The following ZCRB1 variants were observed in gnomAD, a reference collection of about 807,000 sequenced individuals.
The protein encoded by ZCRB1 is zinc finger CCHC-type and RNA-binding motif-containing protein 1.
ZCRB1 carries 21 observed loss-of-function variants against 29.9 expected under a neutral mutation model. That is an observed-to-expected ratio of 0.70 (90% CI 0.50 to 1.01). The LOEUF (loss-of-function observed/expected upper bound fraction) is 1.01, where lower values mean the gene tolerates loss of function less well. ZCRB1 is among the 50% of genes least tolerant of loss of function. The probability of loss-of-function intolerance (pLI) is 0.00; values close to 1 mark genes in which losing one functional copy is unlikely to be tolerated. For synonymous variants in ZCRB1, 77 were observed against 80.0 expected (o/e 0.96, Z 0.20); for missense variants, 204 against 253.3 (o/e 0.81, Z 1.32).
At chr12:42,323,905 A>G in intron 2 of ZCRB1, 114 bp downstream of exon 2, 1 of 962,048 alleles carries the variant, frequency 1.0e-6, no homozygotes, top group Admixed American at 2.1e-5. Context: ...TGACAGAATT[A>G]GACTGTCTCA....
chr12:42,318,502 T>C (rs2068605801), intron 3 of ZCRB1, among the ~76,000 whole-genome samples: 1 of 152,150 alleles, frequency 6.6e-6, no homozygotes, highest in African/African-American at 2.4e-5. Context: ...TTTTTAGCCA[T>C]ACCACCCACC....
rs141453133 is a variant in ZCRB1 at position 42,323,477 on chromosome 12, G to A, written c.84+542C>T. On this transcript the variant is annotated intron_variant, in intron 2 of 7. Transcript: ENST00000266529. The stretch of plus-strand genomic sequence containing the variant: ...CTTCTCAATAATGGCATTTCTGACC[G>A]CCCTATGTAAAATTTCACTTCCATT... Among the ~76,000 whole-genome samples, 1,401 of 152,054 alleles carry A rather than the reference G, an allele frequency of 9.2e-3. 14 individuals are homozygous for A. The highest frequency in any genetic ancestry group is 0.012 in the Non-Finnish European group (800 of 67,958).
chr12:42,320,869 T>C (rs2068617919), intron 3 of ZCRB1, among the ~76,000 whole-genome samples: 1 of 152,234 alleles, frequency 6.6e-6, no homozygotes, highest in South Asian at 2.1e-4. Context: ...ATTCTTAGAA[T>C]GAAAACCAAA....
At chr12:42,314,023 A>G (rs2068582408) in intron 5 of ZCRB1, 37 bp from the exon 6 acceptor site, 45 of 1,563,802 alleles carry the variant, frequency 2.9e-5, no homozygotes, top group Non-Finnish European at 3.9e-5. Context: ...GAAAAATACC[A>G]TATTTGATGT....
At chr12:42,313,342 C>T in intron 7 of ZCRB1, 144 bp from the exon 8 acceptor site, 1 of 869,094 alleles carries the variant, frequency 1.2e-6, no homozygotes, top group Non-Finnish European at 1.6e-6. Context: ...CTGCTCCCTT[C>T]CCCTGAGTTC....
At chr12:42,324,888 TCAGA>T (rs2068668804) in intron 1 of ZCRB1, among the ~76,000 whole-genome samples, 1 of 152,234 alleles carries the variant, frequency 6.6e-6, no homozygotes, top group Non-Finnish European at 1.5e-5. Context: ...GCATGGGGAC[TCAGA>T]CAGAACCTTA....
In ZCRB1 at chr12:42,317,560, T is replaced by C. The variant is rs1056108486; in HGVS notation, c.226-113A>G. 12 of 947,608 alleles carry C rather than the reference T, an allele frequency of 1.3e-5. No individual in the cohort carries two copies. In the African/African-American group the frequency reaches 1.8e-4, roughly 15 times the overall value. The allele number at this position is 947,608 out of a possible 1,614,324, so 58.7% of individuals were successfully genotyped here. On this transcript the variant is annotated intron_variant, in intron 4 of 7. Coordinates refer to ENST00000266529, the MANE Select transcript of ZCRB1 (RefSeq NM_033114.4). Reference sequence around the variant, plus strand: ...CAGTTTATTTTGGATTTTTTAGCAATTGTCACTTAGGTGTGATAAATTCTA... The same window carrying C: ...CAGTTTATTTTGGATTTTTTAGCAACTGTCACTTAGGTGTGATAAATTCTA...
At position 42,313,085 on chromosome 12, in the gene ZCRB1, C is replaced by T. The variant is rs560926700; in HGVS notation, c.636G>A (p.Glu212=). The T allele has an allele frequency of 1.2e-6, 2 of 1,604,358 alleles. No homozygotes were observed. The highest frequency in any genetic ancestry group is 1.3e-5 in the African/African-American group (1 of 74,704). Residue 212 remains glutamate, a synonymous_variant, in exon 8 of 8, where the codon GAG becomes GAA. Transcript: ENST00000266529. ...CAAGATTTTAATCACTAAGTTCTTC[C>T]TCATCACTGAAATATGTGCTTTTCT... The part of the protein sequence containing the change: ...RIKKSTYFSD[E]EELSD
At chr12:42,323,865 G>A in intron 2 of ZCRB1, 154 bp downstream of exon 2, 2 of 646,690 alleles carry the variant, frequency 3.1e-6, no homozygotes, top group South Asian at 1.9e-5. Flanking sequence ...AGCCATGATA[G>A]TGCCACTGCA....
chr12:42,324,031 A>G lies in ZCRB1; in HGVS notation c.72T>C (p.Asn24=). The change falls in exon 2 of 8, where the codon AAT becomes AAC. Residue 24 remains asparagine, a synonymous_variant. Coordinates refer to ENST00000266529, the MANE Select transcript of ZCRB1 (RefSeq NM_033114.4). ...AAGATTTACTTACCCGGTACAAGTC[A>G]TTGTTTGTCAGGGAAAAAGGCAAGT... ...VSNLPFSLTN[N]DLYRIFSKYG... 6.2e-7 allele frequency: 1 copy of G among 1,614,018 alleles called. No homozygotes were observed. Among genetic ancestry groups the G allele is most frequent in the Non-Finnish European group, 8.5e-7 (1 of 1,179,870 alleles).
chr12:42,322,462 A>T lies in ZCRB1; in HGVS notation c.85-16T>A, dbSNP rs375775517. ...TGGAAAATATCTGAAACAAAAGACC[A>T]AATATTTACAATTTATTTTAAAATC... On this transcript the variant is annotated splice_polypyrimidine_tract_variant and intron_variant, in intron 2 of 7. Coordinates refer to ENST00000266529, the MANE Select transcript of ZCRB1 (RefSeq NM_033114.4). The T allele has an allele frequency of 5.4e-6, 8 of 1,477,526 alleles. No homozygotes were observed. Among genetic ancestry groups the T allele is most frequent in the East Asian group, 4.9e-5 (2 of 40,990 alleles). The allele number at this position is 1,477,526 out of a possible 1,614,324, so 91.5% of individuals were successfully genotyped here.
intron 3 of ZCRB1, among the ~76,000 whole-genome samples, chr12:42,319,169 C>T (rs952596687): frequency 1.3e-5 from 2 of 152,080 alleles, no homozygotes; most frequent in Admixed American, 1.3e-4. Flanking sequence ...CTTTCTACAT[C>T]ATCCTCAATT....
At chr12:42,320,297 A>T (rs963350177) in intron 3 of ZCRB1, among the ~76,000 whole-genome samples, 2 of 152,094 alleles carry the variant, frequency 1.3e-5, no homozygotes, top group Non-Finnish European at 2.9e-5. Flanking sequence ...TATACACATC[A>T]CTATTACCCA....
Position 42,312,870 on chromosome 12 carries a change from C to T in ZCRB1, c.*197G>A, listed in dbSNP as rs2068576219. 3 of 443,430 alleles carry T rather than the reference C, an allele frequency of 6.8e-6. No individual in the cohort carries two copies. The highest frequency in any genetic ancestry group is 1.0e-5 in the Non-Finnish European group (3 of 289,154). 27.5% of individuals were successfully genotyped at this position (443,430 alleles called of 1,614,324 possible). ...TGTTTTAAGGATTAATTTCAGAAGT[C>T]CTCATGTAAACAAATCAGGCATGAA... is the stretch of plus-strand genomic sequence containing the variant. On this transcript the variant is annotated 3_prime_UTR_variant, in exon 8 of 8. Transcript: ENST00000266529.
At chr12:42,324,578 A>C (rs1260587613) in intron 1 of ZCRB1, among the ~76,000 whole-genome samples, 1 of 152,242 alleles carries the variant, frequency 6.6e-6, no homozygotes, top group African/African-American at 2.4e-5. Flanking sequence ...AGATGTGTAC[A>C]CCTTCCTTAC....
rs1181739738 is a variant in ZCRB1 at position 42,318,886 on chromosome 12, A to C, written c.114-988T>G. On this transcript the variant is annotated intron_variant, in intron 3 of 7. Transcript: ENST00000266529. Reference sequence around the variant, plus strand: ...GAGCATCAAAATAATTCATTACAGTAATAAATTATAAGCCACAGAGAAGGT... The same window carrying C: ...GAGCATCAAAATAATTCATTACAGTCATAAATTATAAGCCACAGAGAAGGT... Among the ~76,000 whole-genome samples the C allele has an allele frequency of 2.0e-5, 3 of 152,328 alleles. No homozygotes were observed. The East Asian group carries it at 5.8e-4, about 29-fold the overall frequency.
At chr12:42,318,359 G>A (rs1013099513) in intron 3 of ZCRB1, among the ~76,000 whole-genome samples, 3 of 152,158 alleles carry the variant, frequency 2.0e-5, no homozygotes, top group African/African-American at 7.2e-5. Flanking sequence ...GCTGGTTGTG[G>A]TGGTGCGCAC....
chr12:42,323,768 A>G, intron 2 of ZCRB1: 3 of 456,990 alleles, frequency 6.6e-6, no homozygotes, highest in Non-Finnish European at 1.2e-5. Context: ...GGTAGCTTGT[A>G]GAGGCATGGT....
intron 5 of ZCRB1, 116 bp downstream of exon 5, chr12:42,317,224 A>G (rs2068598855): frequency 3.1e-6 from 2 of 650,310 alleles, no homozygotes; most frequent in South Asian, 4.7e-5. Context: ...TTAAAAAATA[A>G]AGCATTTTCA....
Sources: allele counts gnomAD v4.1 joint callset (sites outside exome capture counted in the v4.1 genomes callset), GRCh38; gene constraint gnomAD v4.1.1; transcripts MANE v1.5; gene names NCBI Gene and HGNC (gene_info 2026-07-23, HGNC 2026-07-21).